The following NFATC1 variants were observed in gnomAD, a reference collection of about 807,000 sequenced individuals.
The protein encoded by NFATC1 is nuclear factor of activated T-cells, cytoplasmic 1.
NFATC1 carries 22 observed loss-of-function variants against 76.0 expected under a neutral mutation model. The observed-to-expected ratio is 0.29, with a 90% CI of 0.21 to 0.41. The LOEUF (loss-of-function observed/expected upper bound fraction) is 0.41, where lower values mean the gene tolerates loss of function less well. NFATC1 is among the 10% of genes least tolerant of loss of function. NFATC1 has a pLI of 1.00. For missense variants in NFATC1, 1,357 were observed against 1,337.7 expected, an observed-to-expected ratio of 1.01 and a Z score of -0.23; for synonymous variants, 704 against 613.1, an observed-to-expected ratio of 1.15 and a Z score of -2.19.
intron 8 of NFATC1, 82 bp downstream of exon 8, chr18:79,467,664 T>C (rs1220217876): frequency 6.3e-7 from 1 of 1,586,200 alleles, no homozygotes; most frequent in Admixed American, 1.7e-5. Flanking sequence ...GACGTCGCCG[T>C]AAAGCAGCGT....
chr18:79,483,392 T>C lies in NFATC1; in HGVS notation c.2093-2856T>C, dbSNP rs1298936996. On this transcript the variant is annotated intron_variant, in intron 8 of 9. Transcript: ENST00000427363. ...GCGTGACCTGGTTCCTGGGGTGTCA[T>C]TCCGGCATGACCTGGTTCGTGGGGT... Among the ~76,000 whole-genome samples the C allele has an allele frequency of 4.4e-4, 50 of 112,470 alleles. 1 individual carries two copies. The highest frequency in any genetic ancestry group is 1.7e-3 in the African/African-American group (42 of 25,102). The allele number at this position is 112,470 out of a possible 152,430, so 73.8% of individuals were successfully genotyped here. A position where few individuals can be genotyped will look rare whatever the true frequency, so the allele number is the denominator to read the frequency against.
At chr18:79,483,081 G>GT (rs1169241615) in intron 8 of NFATC1, among the ~76,000 whole-genome samples, 28 of 129,810 alleles carry the variant, frequency 2.2e-4, no homozygotes, top group African/African-American at 6.6e-4. Context: ...GCGTGACCTG[G>GT]TACTGGGGTG....
chr18:79,448,993 C>A lies in NFATC1; in HGVS notation c.1589+9C>A, dbSNP rs139940872. On this transcript the variant is annotated intron_variant, in intron 4 of 9. Coordinates refer to ENST00000427363, the MANE Select transcript of NFATC1 (RefSeq NM_001278669.2). ...AACAGCATGCGAGCCGTGTAAGCCG[C>A]GGGGGACCTCCGGCCTCTGGCAGGG... The A allele has an allele frequency of 1.9e-6, 3 of 1,612,256 alleles. No individual in the cohort carries two copies. Among genetic ancestry groups the A allele is most frequent in the Non-Finnish European group, 2.5e-6 (3 of 1,179,618 alleles).
intron 6 of NFATC1, among the ~76,000 whole-genome samples, chr18:79,458,064 C>T (rs947671220): frequency 1.2e-4 from 19 of 152,210 alleles, no homozygotes; most frequent in Admixed American, 9.2e-4. Flanking sequence ...CCTGTGTGGA[C>T]GCCTGCCTGT....
Position 79,469,736 on chromosome 18 carries a change from C to CCGT in NFATC1, c.2092+2159_2092+2161dup, listed in dbSNP as rs1477794164. 12 of 985,846 alleles carry CCGT rather than the reference C, an allele frequency of 1.2e-5. No homozygotes were observed. In the African/African-American group the frequency reaches 2.1e-4, roughly 17 times the overall value. The allele number at this position is 985,846 out of a possible 1,614,324, so 61.1% of individuals were successfully genotyped here. A position where few individuals can be genotyped will look rare whatever the true frequency, so the allele number is the denominator to read the frequency against. On this transcript the variant is annotated intron_variant, in intron 8 of 9. Transcript: ENST00000427363. ...TCGCCCGTTCTCCCTCTCTTTGCCTCCGTCGTCTCTTCTCTCCTGGACGTA... is the reference window on the plus strand; with the variant it reads ...TCGCCCGTTCTCCCTCTCTTTGCCTCCGTCGTCGTCTCTTCTCTCCTGGACGTA...
chr18:79,463,360 G>C (rs766815792), intron 7 of NFATC1, among the ~76,000 whole-genome samples: 20 of 139,846 alleles, frequency 1.4e-4, no homozygotes, highest in Non-Finnish European at 2.2e-4. Context: ...CAGTGAGTCA[G>C]GGTGCTCAGA....
chr18:79,411,320 A>C lies in NFATC1; in HGVS notation c.1045A>C (p.Lys349Gln). The change falls in exon 2 of 10, where the codon AAG (lysine) becomes CAG (glutamine). Residue 349 changes from lysine (K) to glutamine (Q), a missense_variant. By Grantham distance (53) the Lys-to-Gln change is moderately conservative (BLOSUM62 1). This residue lies in a region of NFATC1 where 691 missense variants were observed against 613.1 expected (regional missense o/e 1.13). Transcript: ENST00000427363. Reference sequence around the variant, plus strand: ...GGAGCAGCCGCCCTCAGTGGCGCTCAAGGTGGAGCCCGTCGGGGAGGACCT... The same window carrying C: ...GGAGCAGCCGCCCTCAGTGGCGCTCCAGGTGGAGCCCGTCGGGGAGGACCT... ...TLEQPPSVAL[K>Q]VEPVGEDLGS... 1 of 1,602,404 alleles carries C rather than the reference A, an allele frequency of 6.2e-7. No individual in the cohort carries two copies. Among genetic ancestry groups the C allele is most frequent in the South Asian group, 1.1e-5 (1 of 90,572 alleles).
At chr18:79,441,300 CTG>C (rs2086967103) in intron 3 of NFATC1, among the ~76,000 whole-genome samples, 1 of 152,176 alleles carries the variant, frequency 6.6e-6, no homozygotes, top group South Asian at 2.1e-4. Flanking sequence ...CCCTTCACCC[CTG>C]TGTGTCTGGA....
At chr18:79,527,493 T>G (rs1419582285) in intron 9 of NFATC1, 35 bp from the exon 10 acceptor site, 2 of 1,574,882 alleles carry the variant, frequency 1.3e-6, no homozygotes, top group East Asian at 4.5e-5. Context: ...TTATGGTATT[T>G]CTCTAATACT....
rs970359278 is a variant in NFATC1 at position 79,528,778 on chromosome 18, C to T, written c.*1201C>T. ...TGCTCAGCCCTGCGTTGTGTGTTTTCAGATGAGTTACTGTTAACAGGTAGG... is the reference window on the plus strand; with the variant it reads ...TGCTCAGCCCTGCGTTGTGTGTTTTTAGATGAGTTACTGTTAACAGGTAGG... On this transcript the variant is annotated 3_prime_UTR_variant, in exon 10 of 10. Transcript: ENST00000427363. 6.6e-6 allele frequency: 1 copy of T among 152,452 alleles called. No homozygotes were observed. The highest frequency in any genetic ancestry group is 1.5e-5 in the Non-Finnish European group (1 of 68,042). The allele number at this position is 152,452 out of a possible 1,614,324, so 9.4% of individuals were successfully genotyped here.
intron 1 of NFATC1, chr18:79,400,554 C>G (rs2085169216): frequency 1.6e-6 from 2 of 1,235,902 alleles, no homozygotes; most frequent in African/African-American, 1.6e-5. Flanking sequence ...CCCTCCGCGT[C>G]CTCGTCGCTC....
At chr18:79,400,051 C>T (rs1312009498) in intron 1 of NFATC1, among the ~76,000 whole-genome samples, 2 of 151,822 alleles carry the variant, frequency 1.3e-5, no homozygotes, top group Non-Finnish European at 2.9e-5. Context: ...TCCCGACGCC[C>T]CTACCCCCGG....
rs1196525580 is a variant in NFATC1 at position 79,520,739 on chromosome 18, T to C, written c.2783-6789T>C. On this transcript the variant is annotated intron_variant, in intron 9 of 9. Coordinates refer to ENST00000427363, the MANE Select transcript of NFATC1 (RefSeq NM_001278669.2). ...TGGGGGGGGGGCATCCACTGATGTGTGTGTCTGTGTGTGTAGGAGGGGAGC... is the reference window on the plus strand; with the variant it reads ...TGGGGGGGGGGCATCCACTGATGTGCGTGTCTGTGTGTGTAGGAGGGGAGC... 5.4e-5 allele frequency among the ~76,000 whole-genome samples: 4 copies of C among 74,096 alleles called. 1 individual carries two copies. In the East Asian group the frequency reaches 1.8e-3, roughly 34 times the overall value. The allele number at this position is 74,096 out of a possible 152,430, so 48.6% of individuals were successfully genotyped here.
At chr18:79,510,925 G>A (rs528789494) in intron 9 of NFATC1, among the ~76,000 whole-genome samples, 3 of 152,268 alleles carry the variant, frequency 2.0e-5, no homozygotes, top group South Asian at 4.2e-4. Context: ...GGGCTCCTCC[G>A]CCGGGGCATC....
At chr18:79,429,705 A>G (rs1214123647) in intron 2 of NFATC1, among the ~76,000 whole-genome samples, 1 of 152,214 alleles carries the variant, frequency 6.6e-6, no homozygotes, top group Non-Finnish European at 1.5e-5. Context: ...AGAGCTGCCA[A>G]ATTCATGCTG....
intron 8 of NFATC1, among the ~76,000 whole-genome samples, chr18:79,473,619 CACTGTT>C (rs2088884306): frequency 7.7e-6 from 1 of 130,366 alleles, no homozygotes; most frequent in Non-Finnish European, 1.6e-5. Flanking sequence ...TTCTCACACT[CACTGTT>C]GACGTTGCAA....
chr18:79,400,377 C>G (rs1412895539), intron 1 of NFATC1: 3 of 1,477,744 alleles, frequency 2.0e-6, no homozygotes, highest in Admixed American at 4.9e-5. Flanking sequence ...CGCCCCGGCC[C>G]CGGCCCGACC....
chr18:79,403,864 C>G (rs1019225688), intron 1 of NFATC1, among the ~76,000 whole-genome samples: 2 of 152,228 alleles, frequency 1.3e-5, no homozygotes, highest in Non-Finnish European at 2.9e-5. Flanking sequence ...GGCAGGAAAC[C>G]CGTGGCAGAG....
chr18:79,463,093 C>G (rs903023261), intron 7 of NFATC1, among the ~76,000 whole-genome samples: 5 of 152,250 alleles, frequency 3.3e-5, no homozygotes, highest in Non-Finnish European at 5.9e-5. Flanking sequence ...AAGGACCCAT[C>G]CCCTTCCCAG....
Sources: allele counts gnomAD v4.1 joint callset (sites outside exome capture counted in the v4.1 genomes callset), GRCh38; gene constraint gnomAD v4.1.1; regional missense constraint gnomAD v4.1.1; transcripts MANE v1.5; gene names NCBI Gene and HGNC (gene_info 2026-07-23, HGNC 2026-07-21).